Variants in PCDHA2 observed in about 807,000 individuals in gnomAD.
PCDHA2 encodes protocadherin alpha 2.
A neutral mutation model predicts 66.0 loss-of-function variants in PCDHA2; 58 were observed. That is an observed-to-expected ratio of 0.88 (90% confidence interval 0.71 to 1.09). The LOEUF is 1.09. Ranked by LOEUF, PCDHA2 falls within the 50% of genes least tolerant of loss-of-function variation. PCDHA2 has a pLI of 0.00. For missense variants in PCDHA2, 1,267 were observed against 1,242.3 expected (o/e 1.02, Z -0.30); for synonymous variants, 634 against 554.0 (o/e 1.14, Z -2.03).
chr5:141,006,921 A>G (rs1229765479), intron 3 of PCDHA2, among the ~76,000 whole-genome samples: 1 of 152,176 alleles, frequency 6.6e-6, no homozygotes, highest in Non-Finnish European at 1.5e-5. Context: ...TGCCCATGAG[A>G]TTTCCAACTG....
At chr5:140,830,056 T>G (rs1770781900) in intron 1 of PCDHA2, 1 of 1,613,606 alleles carries the variant, frequency 6.2e-7, no homozygotes, top group Non-Finnish European at 8.5e-7. Flanking sequence ...AAGACCACGG[T>G]GAGCCGGCGC....
intron 1 of PCDHA2, chr5:140,807,110 A>T: frequency 6.7e-7 from 1 of 1,493,414 alleles, no homozygotes; most frequent in Non-Finnish European, 9.1e-7. Context: ...ATGCAGCTGC[A>T]CTTGACTGAC....
chr5:140,850,140 G>T lies in PCDHA2; in HGVS notation c.2388+52788G>T, dbSNP rs2150469344. ...GGGCGTGCCGCCTCTGGGCAGCAACGTGACGCTGCAGGTGTTCGTGCTGGA... is the reference window on the plus strand; with the variant it reads ...GGGCGTGCCGCCTCTGGGCAGCAACTTGACGCTGCAGGTGTTCGTGCTGGA... On this transcript the variant is annotated intron_variant, in intron 1 of 3. Transcript: ENST00000526136. 66 of 1,595,706 alleles carry T rather than the reference G, an allele frequency of 4.1e-5. 9 individuals are homozygous for T. Among genetic ancestry groups the T allele is most frequent in the East Asian group, 6.7e-5 (3 of 44,838 alleles).
chr5:140,882,666 T>G, intron 1 of PCDHA2: 1 of 1,614,160 alleles, frequency 6.2e-7, no homozygotes, highest in Non-Finnish European at 8.5e-7. Flanking sequence ...CCGCCCATAT[T>G]CCCTGAAAGC....
chr5:140,884,682 A>C, intron 1 of PCDHA2: 5 of 1,546,956 alleles, frequency 3.2e-6, no homozygotes, highest in Non-Finnish European at 4.4e-6. Flanking sequence ...TATTTTAAAA[A>C]ATTGTCTTAG....
chr5:141,003,457 G>A (rs769049189), intron 3 of PCDHA2, among the ~76,000 whole-genome samples: 1 of 152,136 alleles, frequency 6.6e-6, no homozygotes, highest in Non-Finnish European at 1.5e-5. Flanking sequence ...AATTACAGGC[G>A]TGCACCACCA....
chr5:140,836,170 C>T lies in PCDHA2; in HGVS notation c.2388+38818C>T. 1.9e-6 allele frequency: 3 copies of T among 1,613,826 alleles called. 1 individual carries two copies. The highest frequency in any genetic ancestry group is 2.5e-6 in the Non-Finnish European group (3 of 1,179,794). On this transcript the variant is annotated intron_variant, in intron 1 of 3. Transcript: ENST00000526136. ...GGCCATGTGGTGGCGAAGGTACGTG[C>T]AGTTGACGCTGACTCAGGCTACAAC...
chr5:140,823,055 G>A, intron 1 of PCDHA2: 1 of 1,614,176 alleles, frequency 6.2e-7, no homozygotes, highest in Non-Finnish European at 8.5e-7. Flanking sequence ...GTGACCGCGC[G>A]GGACGGGGGC....
At chr5:140,805,154 A>G (rs1290152732) in intron 1 of PCDHA2, 2 of 1,559,526 alleles carry the variant, frequency 1.3e-6, no homozygotes, top group South Asian at 1.2e-5. Context: ...TGGAATTTTC[A>G]CTTCACAGAT....
At chr5:140,841,759 A>T in intron 1 of PCDHA2, 1 of 1,613,894 alleles carries the variant, frequency 6.2e-7, no homozygotes, top group South Asian at 1.1e-5. Flanking sequence ...CAGAATCCAG[A>T]ATGCCAGACT....
intron 1 of PCDHA2, chr5:140,805,108 C>A: frequency 6.3e-7 from 1 of 1,590,148 alleles, no homozygotes; most frequent in South Asian, 1.1e-5. Context: ...AAACTATTGT[C>A]TAACAAGACT....
At chr5:141,008,299 C>T (rs1223779122) in intron 3 of PCDHA2, among the ~76,000 whole-genome samples, 2 of 152,120 alleles carry the variant, frequency 1.3e-5, no homozygotes, top group Non-Finnish European at 2.9e-5. Flanking sequence ...TGTACCCAAC[C>T]CTAAACTGTA....
At chr5:140,896,087 A>T (rs2065366348) in intron 1 of PCDHA2, among the ~76,000 whole-genome samples, 1 of 152,218 alleles carries the variant, frequency 6.6e-6, no homozygotes, top group East Asian at 1.9e-4. Flanking sequence ...CTGGGATTAC[A>T]GGCGTGAGCC....
intron 3 of PCDHA2, among the ~76,000 whole-genome samples, chr5:141,005,783 C>T (rs79683532): frequency 0.097 from 14,322 of 148,270 alleles, 898 homozygotes; most frequent in African/African-American, 0.18. Context: ...TGTAAAGATC[C>T]TGAGGCAAAA....
At chr5:140,942,638 A>T (rs1478847405) in intron 1 of PCDHA2, among the ~76,000 whole-genome samples, 1 of 152,122 alleles carries the variant, frequency 6.6e-6, no homozygotes, top group Non-Finnish European at 1.5e-5. Context: ...AAATGGCAAA[A>T]GAGATCTCAT....
intron 1 of PCDHA2, among the ~76,000 whole-genome samples, chr5:140,947,069 T>G (rs2094080715): frequency 6.6e-6 from 1 of 151,696 alleles, no homozygotes; most frequent in Admixed American, 6.6e-5. Context: ...AGTGTATATA[T>G]GTATTGAAAC....
chr5:140,948,189 G>A (rs1032631604), intron 1 of PCDHA2, among the ~76,000 whole-genome samples: 4 of 151,532 alleles, frequency 2.6e-5, no homozygotes, highest in African/African-American at 9.7e-5. Context: ...ATCCCACTTA[G>A]TCATGATATA....
At chr5:140,934,561 TTTAA>T (rs549996624) in intron 1 of PCDHA2, among the ~76,000 whole-genome samples, 1 of 152,208 alleles carries the variant, frequency 6.6e-6, no homozygotes, top group South Asian at 2.1e-4. Flanking sequence ...TCTTCTTTTT[TTTAA>T]TTAATTGTAA....
intron 1 of PCDHA2, among the ~76,000 whole-genome samples, chr5:140,922,233 A>T (rs1226444776): frequency 6.6e-6 from 1 of 152,220 alleles, no homozygotes; most frequent in Non-Finnish European, 1.5e-5. Flanking sequence ...CTCAACCATG[A>T]TGTGTATGAA....
Sources: allele counts gnomAD v4.1 joint callset (sites outside exome capture counted in the v4.1 genomes callset), GRCh38; gene constraint gnomAD v4.1.1; transcripts MANE v1.5; gene names NCBI Gene and HGNC (gene_info 2026-07-23, HGNC 2026-07-21).